Variants in OTUD7B observed in about 807,000 individuals in gnomAD.
The protein encoded by OTUD7B is OTU deubiquitinase 7B, also known as OTU domain-containing protein 7B.
A neutral mutation model predicts 82.2 loss-of-function variants in OTUD7B; 34 were observed. The observed-to-expected ratio is 0.41, with a 90% CI of 0.31 to 0.55. The LOEUF is 0.55. Among genes scored for constraint, OTUD7B ranks in the 20% least tolerant of loss-of-function variants. The pLI, the probability that OTUD7B is intolerant of heterozygous loss-of-function variation, is 0.20. For missense variants in OTUD7B, 944 were observed against 1,062.1 expected (o/e 0.89, Z 1.55); for synonymous variants, 398 against 402.7 (o/e 0.99, Z 0.14).
At chr1:150,014,988 A>G (rs1021037983), upstream of OTUD7B, among the ~76,000 whole-genome samples, 6 of 152,158 alleles carry the variant, frequency 3.9e-5, no homozygotes, top group Non-Finnish European at 8.8e-5. Context: ...CTTGTGGATT[A>G]TTTGATTGAT....
the OTUD7B span, among the ~76,000 whole-genome samples, chr1:150,058,192 G>A: frequency 2.4e-4 from 36 of 152,106 alleles, no homozygotes; most frequent in Non-Finnish European, 5.0e-4. Flanking sequence ...TCCATGGAAC[G>A]CCAGCACCAA....
chr1:150,019,278 C>T, the OTUD7B span, among the ~76,000 whole-genome samples: 1 of 152,150 alleles, frequency 6.6e-6, no homozygotes, highest in Non-Finnish European at 1.5e-5. Flanking sequence ...CTCTCTTCTC[C>T]CATCTACTCT....
the OTUD7B span, among the ~76,000 whole-genome samples, chr1:150,051,072 T>C: frequency 2.0e-5 from 3 of 151,408 alleles, no homozygotes; most frequent in African/African-American, 4.8e-5. Flanking sequence ...CTACTAAAAA[T>C]ACAAAAATTA....
chr1:150,032,734 T>C, the OTUD7B span, among the ~76,000 whole-genome samples: 1 of 151,952 alleles, frequency 6.6e-6, no homozygotes, highest in Non-Finnish European at 1.5e-5. Flanking sequence ...AAGAAGAAAG[T>C]ATACCATGAG....
the OTUD7B span, among the ~76,000 whole-genome samples, chr1:150,061,763 C>G: frequency 1.3e-5 from 2 of 152,158 alleles, no homozygotes; most frequent in African/African-American, 4.8e-5. Context: ...TCTGACTAAC[C>G]CCGAGTCTGG....
chr1:150,065,406 C>A, the OTUD7B span, among the ~76,000 whole-genome samples: 25 of 152,190 alleles, frequency 1.6e-4, no homozygotes, highest in East Asian at 4.1e-3. Flanking sequence ...TGTTTTCTAT[C>A]CTTAAAGCAC....
At chr1:150,009,037 C>T (rs1194145561) in intron 1 of OTUD7B, among the ~76,000 whole-genome samples, 2 of 152,152 alleles carry the variant, frequency 1.3e-5, no homozygotes, top group Admixed American at 1.3e-4. Context: ...AATAGACTAG[C>T]ACAGCAGGTT....
chr1:149,946,557 C>T (rs1320425719), intron 11 of OTUD7B, among the ~76,000 whole-genome samples: 4 of 151,600 alleles, frequency 2.6e-5, no homozygotes, highest in Non-Finnish European at 4.4e-5. Flanking sequence ...GCCTGGCCAA[C>T]GTGGTGAAAC....
intron 1 of OTUD7B, among the ~76,000 whole-genome samples, chr1:150,008,589 T>TA (rs1239566676): frequency 1.3e-5 from 2 of 152,202 alleles, no homozygotes; most frequent in Admixed American, 1.3e-4. Context: ...TCTTCAGTAT[T>TA]AAAAGCAAGG....
At chr1:150,059,584 G>A in the OTUD7B span, among the ~76,000 whole-genome samples, 10 of 151,280 alleles carry the variant, frequency 6.6e-5, no homozygotes, top group African/African-American at 1.5e-4. Context: ...GGTCAGGCTC[G>A]GTCTTAAACT....
intron 1 of OTUD7B, among the ~76,000 whole-genome samples, chr1:149,989,867 T>C (rs1553781628): frequency 6.6e-6 from 1 of 152,044 alleles, no homozygotes; most frequent in Non-Finnish European, 1.5e-5. Context: ...ATTCTCCATC[T>C]TTAAGTTCCA....
chr1:150,056,844 C>A, the OTUD7B span, among the ~76,000 whole-genome samples: 11 of 152,088 alleles, frequency 7.2e-5, no homozygotes, highest in Non-Finnish European at 1.2e-4. Flanking sequence ...AAAATAATCA[C>A]CATTAGATAA....
chr1:149,949,092 G>A lies in OTUD7B; in HGVS notation c.1124-9C>T. Reference sequence around the variant, plus strand: ...TGTAAGTGGGATCACAGCTGGAGAGGAAGAAACATATCATCAAGGAATCTC... The same window carrying A: ...TGTAAGTGGGATCACAGCTGGAGAGAAAGAAACATATCATCAAGGAATCTC... On this transcript the variant is annotated splice_polypyrimidine_tract_variant and intron_variant, in intron 9 of 11. Coordinates refer to ENST00000581312, the MANE Select transcript of OTUD7B (RefSeq NM_020205.4). 3 of 1,533,018 alleles carry A rather than the reference G, an allele frequency of 2.0e-6. No homozygotes were observed. The highest frequency in any genetic ancestry group is 2.7e-6 in the Non-Finnish European group (3 of 1,106,260). 95.0% of individuals were successfully genotyped at this position (1,533,018 alleles called of 1,614,324 possible).
the OTUD7B span, among the ~76,000 whole-genome samples, chr1:150,041,162 A>G: frequency 2.6e-5 from 4 of 151,916 alleles, no homozygotes; most frequent in Admixed American, 2.6e-4. Flanking sequence ...AATATCTTAG[A>G]TTCCCCACCT....
At chr1:150,042,614 C>T in the OTUD7B span, among the ~76,000 whole-genome samples, 1 of 152,246 alleles carries the variant, frequency 6.6e-6, no homozygotes, top group South Asian at 2.1e-4. Context: ...GGCTGAGACT[C>T]CCAAGACTGG....
intron 1 of OTUD7B, among the ~76,000 whole-genome samples, chr1:149,982,439 C>G (rs1650820803): frequency 6.6e-6 from 1 of 152,010 alleles, no homozygotes; most frequent in Non-Finnish European, 1.5e-5. Flanking sequence ...TTATCAAAGA[C>G]TTAAACACCT....
intron 1 of OTUD7B, among the ~76,000 whole-genome samples, chr1:149,988,944 G>A (rs1341335999): frequency 6.6e-6 from 1 of 152,114 alleles, no homozygotes; most frequent in Non-Finnish European, 1.5e-5. Flanking sequence ...TATCTCTCTA[G>A]AATCAATTCT....
At chr1:149,946,572 T>C (rs1044021090) in intron 11 of OTUD7B, among the ~76,000 whole-genome samples, 31 of 146,478 alleles carry the variant, frequency 2.1e-4, no homozygotes, top group Non-Finnish European at 3.0e-5. Flanking sequence ...TGAAACTCCG[T>C]CTCTACTAAA....
At chr1:150,014,333 G>A (rs1299768815), upstream of OTUD7B, among the ~76,000 whole-genome samples, 21 of 146,820 alleles carry the variant, frequency 1.4e-4, no homozygotes, top group Non-Finnish European at 2.1e-4. Flanking sequence ...CTGGGAGATC[G>A]AGGCTCAGGG....
Sources: allele counts gnomAD v4.1 joint callset (sites outside exome capture counted in the v4.1 genomes callset), GRCh38; gene constraint gnomAD v4.1.1; transcripts MANE v1.5; gene names NCBI Gene and HGNC (gene_info 2026-07-23, HGNC 2026-07-21).